Variants in CCDC122 observed in about 807,000 individuals in gnomAD.
CCDC122 encodes the protein coiled-coil domain containing 122, also known as coiled-coil domain-containing protein 122.
A neutral mutation model predicts 37.0 loss-of-function variants in CCDC122; 38 were observed. That is an observed-to-expected ratio of 1.03 (90% CI 0.79 to 1.35). The LOEUF is 1.35. CCDC122 is among the 40% of genes most tolerant of loss of function. CCDC122 has a pLI of 0.00. For missense variants in CCDC122, 305 were observed against 310.0 expected (o/e 0.98, Z 0.12); for synonymous variants, 83 against 95.6 (o/e 0.87, Z 0.77).
At chr13:43,828,287 C>G (rs1212052106) in intron 3 of CCDC122, among the ~76,000 whole-genome samples, 2 of 152,056 alleles carry the variant, frequency 1.3e-5, no homozygotes, top group African/African-American at 4.8e-5. Context: ...CATCAGAGCA[C>G]GCATTATGTG....
chr13:43,864,638 A>G (rs939970682), intron 4 of CCDC122, among the ~76,000 whole-genome samples: 11 of 152,284 alleles, frequency 7.2e-5, no homozygotes, highest in Admixed American at 1.3e-4. Flanking sequence ...TAATCTATTC[A>G]TGACAGGATC....
At chr13:43,820,939 A>G (rs1365423031), downstream of CCDC122, among the ~76,000 whole-genome samples, 1 of 152,214 alleles carries the variant, frequency 6.6e-6, no homozygotes, top group Admixed American at 6.5e-5. Context: ...AATATTCTTG[A>G]AAAGTATTTT....
chr13:43,854,585 C>CA (rs1252537073), intron 6 of CCDC122: 1 of 152,052 alleles, frequency 6.6e-6, no homozygotes. Context: ...AAAACTATTC[C>CA]AAAAAATTGA....
At chr13:43,858,075 G>A (rs377348624) in intron 6 of CCDC122, 1 of 152,014 alleles carries the variant, frequency 6.6e-6, no homozygotes, top group South Asian at 2.1e-4. Context: ...TTTTAATAGC[G>A]AATATGTAAA....
At chr13:43,849,283 T>C (rs941138381) in intron 6 of CCDC122, 3 of 164,174 alleles carry the variant, frequency 1.8e-5, no homozygotes, top group Non-Finnish European at 3.8e-5. Context: ...AAAACAGAAG[T>C]CTTAATCTCA....
At chr13:43,832,292 A>C, downstream of CCDC122, among the ~76,000 whole-genome samples, 1 of 63,248 alleles carries the variant, frequency 1.6e-5, no homozygotes, top group African/African-American at 6.0e-5. Flanking sequence ...TATTAAAAAT[A>C]TGAGAAGCTA....
At chr13:43,857,718 C>A (rs1953966602) in intron 6 of CCDC122, among the ~76,000 whole-genome samples, 1 of 151,946 alleles carries the variant, frequency 6.6e-6, no homozygotes, top group African/African-American at 2.4e-5. Context: ...GCCTGGCCAA[C>A]ATGGTGAAAC....
At chr13:43,868,046 A>G (rs1954331205) in intron 4 of CCDC122, among the ~76,000 whole-genome samples, 1 of 50,756 alleles carries the variant, frequency 2.0e-5, no homozygotes, top group Non-Finnish European at 5.8e-5. Flanking sequence ...AGGAAACAGG[A>G]GCACAACAAA....
At chr13:43,876,743 T>C (rs1954622983) in intron 1 of CCDC122, among the ~76,000 whole-genome samples, 1 of 152,226 alleles carries the variant, frequency 6.6e-6, no homozygotes, top group Non-Finnish European at 1.5e-5. Context: ...TGAAATAGTG[T>C]GGAAATTGTT....
chr13:43,845,766 T>A (rs1192887669), intron 6 of CCDC122, among the ~76,000 whole-genome samples: 2 of 152,190 alleles, frequency 1.3e-5, no homozygotes, highest in African/African-American at 2.4e-5. Flanking sequence ...AGTGCAAGTC[T>A]ACTGGGAACA....
At chr13:43,851,518 T>TC (rs1475622885) in intron 6 of CCDC122, among the ~76,000 whole-genome samples, 1 of 151,578 alleles carries the variant, frequency 6.6e-6, no homozygotes, top group Non-Finnish European at 1.5e-5. Flanking sequence ...ACCCCCTGTC[T>TC]CCCCCTAACT....
At chr13:43,876,433 C>A (rs1954613107) in intron 1 of CCDC122, among the ~76,000 whole-genome samples, 1 of 152,194 alleles carries the variant, frequency 6.6e-6, no homozygotes, top group African/African-American at 2.4e-5. Context: ...ACTATCTCTG[C>A]CCTCAAAACA....
intron 6 of CCDC122, among the ~76,000 whole-genome samples, chr13:43,857,646 T>C (rs2153875134): frequency 6.6e-6 from 1 of 152,320 alleles, no homozygotes; most frequent in South Asian, 2.1e-4. Context: ...CTCACGCCTG[T>C]AATCCCAGCA....
chr13:43,879,684 C>T lies in CCDC122; in HGVS notation c.-253G>A, dbSNP rs1954827671. ...GAGGGAACCTGGCCGTCAGGTTTCCCCTGGGATCCTGGGACGGTATCAGGC... is the reference window on the plus strand; with the variant it reads ...GAGGGAACCTGGCCGTCAGGTTTCCTCTGGGATCCTGGGACGGTATCAGGC... On this transcript the variant is annotated 5_prime_UTR_variant, in exon 1 of 7. Transcript: ENST00000444614. The T allele has an allele frequency of 1.3e-5, 2 of 152,602 alleles. No individual in the cohort carries two copies. The allele number at this position is 152,602 out of a possible 1,614,324, so 9.5% of individuals were successfully genotyped here.
At chr13:43,834,493 A>C (rs1245934430), downstream of CCDC122, among the ~76,000 whole-genome samples, 3 of 152,256 alleles carry the variant, frequency 2.0e-5, no homozygotes, top group African/African-American at 4.8e-5. Context: ...TCTGCACAGC[A>C]AAATAAACCA....
chr13:43,833,445 G>A (rs1394085233), downstream of CCDC122, among the ~76,000 whole-genome samples: 2 of 152,178 alleles, frequency 1.3e-5, no homozygotes, highest in Non-Finnish European at 2.9e-5. Flanking sequence ...TCAGTATTTT[G>A]AGAGTTGACA....
intron 3 of CCDC122, among the ~76,000 whole-genome samples, chr13:43,826,813 A>G (rs1164444332): frequency 6.6e-6 from 1 of 152,206 alleles, no homozygotes; most frequent in Admixed American, 6.5e-5. Flanking sequence ...AAAGCTATAA[A>G]GCATATCATT....
chr13:43,862,474 C>T (rs1315894791), intron 4 of CCDC122, among the ~76,000 whole-genome samples: 2 of 152,144 alleles, frequency 1.3e-5, no homozygotes, highest in African/African-American at 4.8e-5. Context: ...CCTCTAGTTA[C>T]TCTCTACACA....
At chr13:43,872,766 G>A (rs957575492) in intron 2 of CCDC122, among the ~76,000 whole-genome samples, 5 of 151,972 alleles carry the variant, frequency 3.3e-5, no homozygotes, top group South Asian at 4.1e-4. Flanking sequence ...TTGGTCAAAC[G>A]TATTATTCTG....
Sources: gnomAD v4.1 joint callset for allele counts (sites outside exome capture counted in the v4.1 genomes callset) on GRCh38, gnomAD v4.1.1 for gene constraint, MANE v1.5 for transcripts, NCBI Gene and HGNC (gene_info 2026-07-23, HGNC 2026-07-21) for gene names.